GALNT16: variants seen among roughly 807,000 people sequenced by gnomAD.
GALNT16 encodes the protein polypeptide N-acetylgalactosaminyltransferase 16.
Under a neutral mutation model 76.1 loss-of-function variants are expected in GALNT16, and 40 were observed. The observed-to-expected ratio is 0.53, with a 90% CI of 0.41 to 0.68. The LOEUF (loss-of-function observed/expected upper bound fraction) is 0.68. GALNT16 is among the 30% of genes least tolerant of loss of function. The probability of loss-of-function intolerance (pLI) is 0.00; values close to 1 mark genes in which losing one functional copy is unlikely to be tolerated. For missense variants in GALNT16, 621 were observed against 731.9 expected, an observed-to-expected ratio of 0.85 and a Z score of 1.75; for synonymous variants, 276 against 285.2, an observed-to-expected ratio of 0.97 and a Z score of 0.32.
chr14:69,334,345 A>T (rs991183362), intron 9 of GALNT16, among the ~76,000 whole-genome samples: 1 of 152,206 alleles, frequency 6.6e-6, no homozygotes, highest in Non-Finnish European at 1.5e-5. Context: ...ACCAAGTGGG[A>T]TCGGAGCCCA....
Position 69,324,739 on chromosome 14 carries a change from T to C in GALNT16, c.383T>C (p.Ile128Thr). 1 of 1,613,254 alleles carries C rather than the reference T, an allele frequency of 6.2e-7. No homozygotes were observed. Among genetic ancestry groups the C allele is most frequent in the Non-Finnish European group, 8.5e-7 (1 of 1,179,486 alleles). The change falls in exon 3 of 15, where the codon ATC becomes ACC. Residue 128 changes from isoleucine to threonine, a missense_variant. Ile to Thr is a moderately conservative substitution (Grantham distance 89). Transcript: ENST00000448469. ...TCGGACCTGCCAGCCACCAGCGTCA[T>C]CATCACCTTCCACAATGAGGCCCGT... ...YSSDLPATSV[I>T]ITFHNEARST... is the part of the protein sequence containing the mutation.
At chr14:69,309,316 T>A (rs12880330) in intron 1 of GALNT16, among the ~76,000 whole-genome samples, 59,018 of 148,584 alleles carry the variant, frequency 0.4, 12,255 homozygotes, top group East Asian at 0.83. Flanking sequence ...TTTTTTTTTT[T>A]ATTTGAGACA....
chr14:69,324,890 G>T, intron 3 of GALNT16, 100 bp downstream of exon 3: 1 of 694,644 alleles, frequency 1.4e-6, no homozygotes. Flanking sequence ...GCAGGTGCTG[G>T]AGGCTGAGTC....
At chr14:69,326,139 T>C (rs2045281708) in intron 5 of GALNT16, 112 bp downstream of exon 5, 4 of 813,178 alleles carry the variant, frequency 4.9e-6, no homozygotes, top group Non-Finnish European at 6.4e-6. Flanking sequence ...TCCTGCTGCA[T>C]TCCTGATGGC....
rs1057379142 is a variant in GALNT16, at chr14:69,296,744, A to C, written c.178-23967A>C. The stretch of plus-strand genomic sequence containing the variant: ...ACAGATAGATGATAGATAGATAGAT[A>C]GATAGATAGATAGATAGATAGATAG... On this transcript the variant is annotated intron_variant, in intron 1 of 14. Coordinates refer to ENST00000448469, the MANE Select transcript of GALNT16 (RefSeq NM_001168368.2). Among the ~76,000 whole-genome samples, 9 of 150,910 alleles carry C rather than the reference A, an allele frequency of 6.0e-5. No homozygotes were observed. In the East Asian group the frequency reaches 8.1e-4, roughly 14 times the overall value.
intron 1 of GALNT16, among the ~76,000 whole-genome samples, chr14:69,301,029 C>G (rs1472399598): frequency 6.6e-6 from 1 of 152,210 alleles, no homozygotes; most frequent in East Asian, 1.9e-4. Flanking sequence ...TGAGCTAATT[C>G]TATCCCTGGC....
Position 69,284,365 on chromosome 14 carries a change from C to A in GALNT16, c.177+23898C>A, listed in dbSNP as rs145220735. On this transcript the variant is annotated intron_variant, in intron 1 of 14. Coordinates refer to ENST00000448469, the MANE Select transcript of GALNT16 (RefSeq NM_001168368.2). ...CACAGATAGGTATAAGGAGGCACTC[C>A]CAGCAGCGTGTCAGCTCCAGGGCTG... is the stretch of plus-strand genomic sequence containing the variant. Among the ~76,000 whole-genome samples the A allele has an allele frequency of 1.5e-3, 236 of 152,298 alleles. 1 individual carries two copies. The highest frequency in any genetic ancestry group is 5.6e-3 in the African/African-American group (231 of 41,562).
intron 1 of GALNT16, among the ~76,000 whole-genome samples, chr14:69,316,372 A>G (rs1391785068): frequency 6.6e-6 from 1 of 152,208 alleles, no homozygotes; most frequent in Non-Finnish European, 1.5e-5. Context: ...TCAGCATGAG[A>G]CAAAACAGAA....
At chr14:69,294,844 A>C (rs2044734111) in intron 1 of GALNT16, among the ~76,000 whole-genome samples, 1 of 152,134 alleles carries the variant, frequency 6.6e-6, no homozygotes, top group African/African-American at 2.4e-5. Flanking sequence ...TCAGCTTCCC[A>C]AGGAGCGGGG....
intron 14 of GALNT16, chr14:69,349,183 G>C (rs2045601344): frequency 6.6e-6 from 1 of 152,296 alleles, no homozygotes; most frequent in Non-Finnish European, 1.5e-5. Flanking sequence ...ATGGTGGGGG[G>C]ATGCAGCCCA....
chr14:69,321,170 G>T (rs1462186192), intron 2 of GALNT16, among the ~76,000 whole-genome samples: 1 of 152,190 alleles, frequency 6.6e-6, no homozygotes, highest in Non-Finnish European at 1.5e-5. Context: ...GGTGAGCCAG[G>T]CGCTCTTGGG....
intron 1 of GALNT16, among the ~76,000 whole-genome samples, chr14:69,314,199 T>C (rs1264678478): frequency 6.6e-6 from 1 of 152,248 alleles, no homozygotes; most frequent in East Asian, 1.9e-4. Context: ...TTAATAACAA[T>C]TCGTTAGTTA....
At chr14:69,375,855 T>C in the GALNT16 span, among the ~76,000 whole-genome samples, 1 of 152,206 alleles carries the variant, frequency 6.6e-6, no homozygotes, top group Non-Finnish European at 1.5e-5. Context: ...TCAACTGCAG[T>C]CTAGAATTCC....
chr14:69,283,664 G>A (rs1290407857), intron 1 of GALNT16, among the ~76,000 whole-genome samples: 1 of 152,182 alleles, frequency 6.6e-6, no homozygotes, highest in Non-Finnish European at 1.5e-5. Flanking sequence ...TGTGACCTCA[G>A]GCAAGTTACT....
At chr14:69,267,417 A>G (rs1253325810) in intron 1 of GALNT16, among the ~76,000 whole-genome samples, 1 of 152,224 alleles carries the variant, frequency 6.6e-6, no homozygotes, top group African/African-American at 2.4e-5. Flanking sequence ...CTGCCCAGGT[A>G]TAGCCTTTCC....
At chr14:69,320,566 G>A (rs2045164457) in intron 1 of GALNT16, 145 bp from the exon 2 acceptor site, 2 of 637,710 alleles carry the variant, frequency 3.1e-6, no homozygotes, top group Non-Finnish European at 2.8e-6. Flanking sequence ...GTACAGTGGG[G>A]GAGATAATGG....
intron 1 of GALNT16, among the ~76,000 whole-genome samples, chr14:69,269,338 T>C (rs975060334): frequency 2.6e-5 from 4 of 151,130 alleles, no homozygotes; most frequent in Non-Finnish European, 5.9e-5. Context: ...TTGTGTTGTA[T>C]GGGTATGTAT....
intron 1 of GALNT16, among the ~76,000 whole-genome samples, chr14:69,274,518 G>A (rs1301982831): frequency 6.6e-6 from 1 of 152,078 alleles, no homozygotes; most frequent in Non-Finnish European, 1.5e-5. Flanking sequence ...TGGCAAGTTG[G>A]CATTGGCTGT....
In GALNT16 at chr14:69,267,867, T is replaced by C. The variant is rs147948897; in HGVS notation, c.177+7400T>C. 3.5e-4 allele frequency among the ~76,000 whole-genome samples: 54 copies of C among 152,274 alleles called. No homozygotes were observed. The East Asian group carries it at 9.1e-3, about 26-fold the overall frequency. ...TATCAGCTGAAATAATCTTGGACTT[T>C]GTTGAACTTCTCCCGCGAAAGTGAG... On this transcript the variant is annotated intron_variant, in intron 1 of 14. Coordinates refer to ENST00000448469, the MANE Select transcript of GALNT16 (RefSeq NM_001168368.2).
Sources: gnomAD v4.1 joint callset for allele counts (sites outside exome capture counted in the v4.1 genomes callset) on GRCh38, gnomAD v4.1.1 for gene constraint, MANE v1.5 for transcripts, NCBI Gene and HGNC (gene_info 2026-07-23, HGNC 2026-07-21) for gene names.